MTHFD1L: variants seen among roughly 807,000 people sequenced by gnomAD.
The protein encoded by MTHFD1L is monofunctional C1-tetrahydrofolate synthase, mitochondrial.
Under a neutral mutation model 119.5 loss-of-function variants are expected in MTHFD1L, and 81 were observed. The ratio of observed to expected loss-of-function variants is 0.68; its 90% confidence interval spans 0.57 to 0.82. The LOEUF (loss-of-function observed/expected upper bound fraction) is 0.82, where lower values mean the gene tolerates loss of function less well. Among genes scored for constraint, MTHFD1L ranks in the 40% least tolerant of loss-of-function variants. The pLI is 0.00. For synonymous variants in MTHFD1L, 430 were observed against 475.2 expected (o/e 0.90, Z 1.24); for missense variants, 1,125 against 1,253.4 (o/e 0.90, Z 1.55).
At chr6:150,866,387 G>T in intron 1 of MTHFD1L, 1 of 1,394,462 alleles carries the variant, frequency 7.2e-7, no homozygotes, top group Non-Finnish European at 9.3e-7. Context: ...CGACCCAGAC[G>T]GTAAAGGGGC....
At chr6:151,007,414 G>GC (rs1377829324) in intron 20 of MTHFD1L, among the ~76,000 whole-genome samples, 6 of 151,460 alleles carry the variant, frequency 4.0e-5, no homozygotes, top group African/African-American at 1.2e-4. Flanking sequence ...AATTCAATAT[G>GC]ATTTTTAGCA....
intron 7 of MTHFD1L, among the ~76,000 whole-genome samples, chr6:150,901,543 A>G (rs1785101119): frequency 6.6e-6 from 1 of 152,194 alleles, no homozygotes; most frequent in Non-Finnish European, 1.5e-5. Flanking sequence ...AATGTAACCC[A>G]TAAAGCCACT....
intron 14 of MTHFD1L, 33 bp downstream of exon 14, chr6:150,944,626 A>G (rs780994708): frequency 1.3e-6 from 2 of 1,508,004 alleles, no homozygotes; most frequent in Non-Finnish European, 9.2e-7. Flanking sequence ...CATTTTGGGT[A>G]TTGTATCCTG....
intron 7 of MTHFD1L, among the ~76,000 whole-genome samples, chr6:150,893,785 G>A (rs1172902663): frequency 6.6e-6 from 1 of 152,192 alleles, no homozygotes; most frequent in African/African-American, 2.4e-5. Context: ...AAGGTTTCCA[G>A]TCCGGCACAA....
intron 16 of MTHFD1L, among the ~76,000 whole-genome samples, chr6:150,950,850 C>G (rs1300062032): frequency 6.6e-6 from 1 of 151,832 alleles, no homozygotes; most frequent in Non-Finnish European, 1.5e-5. Context: ...TTGTATTTTA[C>G]TAGAGATGGG....
intron 19 of MTHFD1L, 50 bp downstream of exon 19, chr6:150,965,087 C>G (rs529182967): frequency 6.5e-7 from 1 of 1,542,586 alleles, no homozygotes; most frequent in Non-Finnish European, 9.0e-7. Flanking sequence ...TGGATTGCCA[C>G]ACAATGTGAA....
chr6:150,899,299 A>G (rs1784749362), intron 7 of MTHFD1L, among the ~76,000 whole-genome samples: 1 of 152,276 alleles, frequency 6.6e-6, no homozygotes. Flanking sequence ...AATAATCATA[A>G]GAAATGTCTT....
chr6:151,004,388 G>T (rs185473977), intron 20 of MTHFD1L, among the ~76,000 whole-genome samples: 1 of 152,270 alleles, frequency 6.6e-6, no homozygotes, highest in East Asian at 1.9e-4. Flanking sequence ...GTGCAGTAAG[G>T]TGGGGACATA....
At position 151,099,858 on chromosome 6, in the gene MTHFD1L, C is replaced by A. The variant is rs550119240; in HGVS notation, c.*32-1668C>A. The A allele has an allele frequency of 7.4e-5, 117 of 1,591,346 alleles. 1 individual carries two copies. The Middle Eastern group carries it at 1.8e-3, about 25-fold the overall frequency. On this transcript the variant is annotated intron_variant, in intron 27 of 27. Transcript: ENST00000367321. Reference sequence around the variant, plus strand: ...TTTCCTCCAAGAACCGCAAAGCCATCGTGGAAAGAGCTGCCCAACTGGCCA... The same window carrying A: ...TTTCCTCCAAGAACCGCAAAGCCATAGTGGAAAGAGCTGCCCAACTGGCCA...
At chr6:150,885,538 C>A in intron 5 of MTHFD1L, 96 bp from the exon 6 acceptor site, 2 of 851,058 alleles carry the variant, frequency 2.4e-6, no homozygotes, top group Non-Finnish European at 1.9e-6. Context: ...CAAACATTGA[C>A]TTGGATGTTA....
intron 26 of MTHFD1L, among the ~76,000 whole-genome samples, chr6:151,077,482 A>G (rs1265038457): frequency 6.6e-6 from 1 of 152,050 alleles, no homozygotes. Flanking sequence ...ATCTCTATTA[A>G]TAGTACAAAA....
intron 7 of MTHFD1L, among the ~76,000 whole-genome samples, chr6:150,893,732 C>T (rs551328058): frequency 4.6e-5 from 7 of 152,184 alleles, no homozygotes; most frequent in Non-Finnish European, 7.3e-5. Context: ...GCTGACCTTC[C>T]GGTTATCAGG....
chr6:151,051,720 G>A (rs1180164755), intron 26 of MTHFD1L, among the ~76,000 whole-genome samples: 2 of 152,232 alleles, frequency 1.3e-5, no homozygotes, highest in Non-Finnish European at 1.5e-5. Context: ...AGTACAATTA[G>A]TGCAGCCTTT....
At chr6:151,061,583 G>T (rs137906839) in intron 26 of MTHFD1L, among the ~76,000 whole-genome samples, 1 of 152,264 alleles carries the variant, frequency 6.6e-6, no homozygotes, top group African/African-American at 2.4e-5. Flanking sequence ...TAGTGGATTT[G>T]GTTACTAACA....
intron 20 of MTHFD1L, among the ~76,000 whole-genome samples, chr6:150,975,209 G>T (rs888528880): frequency 6.6e-6 from 1 of 152,136 alleles, no homozygotes; most frequent in African/African-American, 2.4e-5. Flanking sequence ...TAAAAATCGT[G>T]CTCTATGATG....
chr6:151,079,780 C>T (rs561150523), intron 26 of MTHFD1L, among the ~76,000 whole-genome samples: 68 of 151,632 alleles, frequency 4.5e-4, no homozygotes, highest in Admixed American at 8.5e-4. Flanking sequence ...TGAGCCACTT[C>T]GCCTGGCCAT....
At chr6:150,946,416 C>CCAGTTTAGTTTT (rs1392454203) in intron 15 of MTHFD1L, among the ~76,000 whole-genome samples, 1 of 151,696 alleles carries the variant, frequency 6.6e-6, no homozygotes, top group Non-Finnish European at 1.5e-5. Flanking sequence ...TCCCAAAGTG[C>CCAGTTTAGTTTT]TGGGATTACA....
intron 26 of MTHFD1L, among the ~76,000 whole-genome samples, chr6:151,044,626 G>A (rs954565131): frequency 2.0e-5 from 3 of 151,988 alleles, no homozygotes; most frequent in South Asian, 2.1e-4. Context: ...TCCTCCTGTC[G>A]GGATTGGCCT....
chr6:151,024,802 A>G (rs1394889360), intron 24 of MTHFD1L, among the ~76,000 whole-genome samples: 2 of 151,964 alleles, frequency 1.3e-5, no homozygotes, highest in African/African-American at 2.4e-5. Flanking sequence ...ACACACCATC[A>G]TGCCCGGCCT....
Sources: gnomAD v4.1 joint callset for allele counts (sites outside exome capture counted in the v4.1 genomes callset) on GRCh38, gnomAD v4.1.1 for gene constraint, MANE v1.5 for transcripts, NCBI Gene and HGNC (gene_info 2026-07-23, HGNC 2026-07-21) for gene names.